The following KCNIP4 variants were observed in gnomAD, a reference collection of about 807,000 sequenced individuals.
KCNIP4 encodes the protein Kv channel-interacting protein 4.
In KCNIP4, 12 loss-of-function variants were observed where a neutral mutation model predicts 34.0. The observed-to-expected ratio is 0.35, with a 90% CI of 0.23 to 0.57. KCNIP4 has a LOEUF of 0.57. Among genes scored for constraint, KCNIP4 ranks in the 20% least tolerant of loss-of-function variants. The probability of loss-of-function intolerance (pLI) is 0.83; values close to 1 mark genes in which losing one functional copy is unlikely to be tolerated. For missense variants in KCNIP4, 238 were observed against 311.7 expected (o/e 0.76, Z 1.78); for synonymous variants, 124 against 102.2 (o/e 1.21, Z -1.29).
At chr4:21,817,802 G>A (rs773796793) in intron 1 of KCNIP4, among the ~76,000 whole-genome samples, 5 of 152,076 alleles carry the variant, frequency 3.3e-5, no homozygotes, top group Non-Finnish European at 2.9e-5. Flanking sequence ...CTCTGCTCTC[G>A]AACCCTGTTT....
At chr4:20,822,821 G>T (rs1300689831) in intron 3 of KCNIP4, among the ~76,000 whole-genome samples, 1 of 152,112 alleles carries the variant, frequency 6.6e-6, no homozygotes, top group African/African-American at 2.4e-5. Flanking sequence ...TAAGAGGTGG[G>T]ACCTTTTGAG....
At chr4:20,774,110 A>T (rs1167480880) in intron 3 of KCNIP4, among the ~76,000 whole-genome samples, 1 of 152,206 alleles carries the variant, frequency 6.6e-6, no homozygotes, top group Non-Finnish European at 1.5e-5. Flanking sequence ...AAATAAAGAT[A>T]ACCCATGCAC....
intron 3 of KCNIP4, among the ~76,000 whole-genome samples, chr4:20,823,015 G>T (rs188414736): frequency 1.3e-5 from 2 of 152,050 alleles, no homozygotes; most frequent in Non-Finnish European, 2.9e-5. Flanking sequence ...AGAGAGCAGC[G>T]TTCACCAGAC....
intron 1 of KCNIP4, among the ~76,000 whole-genome samples, chr4:21,065,731 T>TAG (rs1221669470): frequency 5.0e-5 from 3 of 60,016 alleles, no homozygotes; most frequent in Admixed American, 1.7e-4. Flanking sequence ...TTTGTCTATA[T>TAG]ATATATATAT....
intron 1 of KCNIP4, among the ~76,000 whole-genome samples, chr4:21,300,088 A>AT (rs1181309089): frequency 4.6e-5 from 7 of 152,094 alleles, no homozygotes; most frequent in Non-Finnish European, 1.5e-5. Context: ...TTTTGCTTTT[A>AT]TTAAGGGTGG....
At chr4:20,755,633 G>A (rs967521213) in intron 4 of KCNIP4, among the ~76,000 whole-genome samples, 3 of 152,158 alleles carry the variant, frequency 2.0e-5, no homozygotes, top group African/African-American at 7.2e-5. Context: ...GGATTGTCTC[G>A]AGTGCCGAAA....
intron 1 of KCNIP4, among the ~76,000 whole-genome samples, chr4:21,523,947 T>C (rs1202389946): frequency 6.6e-6 from 1 of 152,168 alleles, no homozygotes; most frequent in African/African-American, 2.4e-5. Context: ...ATGTATTTCT[T>C]CCTTAAAACA....
intron 1 of KCNIP4, among the ~76,000 whole-genome samples, chr4:21,522,864 T>A (rs947682319): frequency 6.6e-6 from 1 of 152,026 alleles, no homozygotes; most frequent in East Asian, 1.9e-4. Context: ...TAGTAAAAAA[T>A]ATATATATTT....
At chr4:21,749,960 C>T (rs1338328377) in intron 1 of KCNIP4, among the ~76,000 whole-genome samples, 2 of 152,208 alleles carry the variant, frequency 1.3e-5, no homozygotes, top group Non-Finnish European at 2.9e-5. Flanking sequence ...TTTTGCTTTC[C>T]GTGGTTCCAG....
At chr4:21,650,428 A>C (rs1317087414) in intron 1 of KCNIP4, among the ~76,000 whole-genome samples, 1 of 152,194 alleles carries the variant, frequency 6.6e-6, no homozygotes, top group African/African-American at 2.4e-5. Flanking sequence ...AACAAAAATA[A>C]AAACACTTGT....
At chr4:21,612,981 C>T (rs1027946574) in intron 1 of KCNIP4, among the ~76,000 whole-genome samples, 11 of 151,958 alleles carry the variant, frequency 7.2e-5, no homozygotes, top group African/African-American at 1.2e-4. Context: ...ATAAGTAGGC[C>T]GTTCAAAGGT....
chr4:21,854,393 C>T (rs537040748), intron 1 of KCNIP4, among the ~76,000 whole-genome samples: 1 of 152,300 alleles, frequency 6.6e-6, no homozygotes, highest in East Asian at 1.9e-4. Context: ...TCTCATCCCA[C>T]ATATTAATTG....
At chr4:20,803,932 G>A (rs746940553) in intron 3 of KCNIP4, among the ~76,000 whole-genome samples, 3 of 152,158 alleles carry the variant, frequency 2.0e-5, no homozygotes, top group Non-Finnish European at 4.4e-5. Context: ...CTAGCTGTGT[G>A]ACTCTAAGCA....
chr4:21,251,660 C>A lies in KCNIP4; in HGVS notation c.62-368951G>T, dbSNP rs576127197. 2.6e-4 allele frequency among the ~76,000 whole-genome samples: 39 copies of A among 152,166 alleles called. No homozygotes were observed. In the South Asian group the frequency reaches 7.9e-3, roughly 31 times the overall value. Reference sequence around the variant, plus strand: ...GCCTACAGAAAATGTGGCACATATACACCATGGAATACTACGCAGCCATAA... The same window carrying A: ...GCCTACAGAAAATGTGGCACATATAAACCATGGAATACTACGCAGCCATAA... On this transcript the variant is annotated intron_variant, in intron 1 of 8. Transcript: ENST00000382152.
intron 1 of KCNIP4, among the ~76,000 whole-genome samples, chr4:21,776,849 G>A (rs868430837): frequency 4.6e-5 from 7 of 151,986 alleles, no homozygotes; most frequent in African/African-American, 1.2e-4. Flanking sequence ...TTCAACCCCC[G>A]CCTCTCAGGT....
At chr4:21,732,684 G>A (rs1292682450) in intron 1 of KCNIP4, among the ~76,000 whole-genome samples, 1 of 104,800 alleles carries the variant, frequency 9.5e-6, no homozygotes, top group Non-Finnish European at 1.7e-5. Flanking sequence ...TGGGGTATTC[G>A]GTCTTGCCTC....
chr4:21,502,815 C>A (rs1240668564), intron 1 of KCNIP4, among the ~76,000 whole-genome samples: 3 of 152,168 alleles, frequency 2.0e-5, no homozygotes, highest in African/African-American at 7.2e-5. Flanking sequence ...CACTATAACC[C>A]TTAGCATGCT....
At chr4:21,556,727 C>A (rs187843194) in intron 1 of KCNIP4, among the ~76,000 whole-genome samples, 187 of 151,848 alleles carry the variant, frequency 1.2e-3, no homozygotes, top group Admixed American at 2.2e-3. Context: ...TCCAGACCTG[C>A]CTGGCCAACA....
rs578082709 is a variant in KCNIP4, at chr4:20,996,813, T to A, written c.62-114104A>T. ...ACGTTCATTTCCTATCTCATCCCACTTGTGTAGATGCTCCTCACATGTGGG... is the reference window on the plus strand; with the variant it reads ...ACGTTCATTTCCTATCTCATCCCACATGTGTAGATGCTCCTCACATGTGGG... On this transcript the variant is annotated intron_variant, in intron 1 of 8. Transcript: ENST00000382152. Among the ~76,000 whole-genome samples the A allele has an allele frequency of 2.0e-5, 3 of 152,214 alleles. No homozygotes were observed. The South Asian group carries it at 6.2e-4, about 32-fold the overall frequency.
Sources: gnomAD v4.1 joint callset for allele counts (sites outside exome capture counted in the v4.1 genomes callset) on GRCh38, gnomAD v4.1.1 for gene constraint, MANE v1.5 for transcripts, NCBI Gene and HGNC (gene_info 2026-07-23, HGNC 2026-07-21) for gene names.